The following SAMD12 variants were observed in gnomAD, a reference collection of about 807,000 sequenced individuals.
The protein encoded by SAMD12 is sterile alpha motif domain containing 12.
In SAMD12, 9 loss-of-function variants were observed where a neutral mutation model predicts 15.0. The ratio of observed to expected loss-of-function variants is 0.60; its 90% CI spans 0.36 to 1.05. The LOEUF (loss-of-function observed/expected upper bound fraction) is 1.05, where lower values mean the gene tolerates loss of function less well. Ranked by LOEUF, SAMD12 falls within the 50% of genes least tolerant of loss-of-function variation. The pLI, the probability that SAMD12 is intolerant of heterozygous loss-of-function variation, is 0.01. For synonymous variants in SAMD12, 86 were observed against 90.1 expected, an observed-to-expected ratio of 0.96 and a Z score of 0.25; for missense variants, 230 against 234.2, an observed-to-expected ratio of 0.98 and a Z score of 0.12.
intron 4 of SAMD12, among the ~76,000 whole-genome samples, chr8:118,332,020 C>T (rs1401385122): frequency 6.6e-6 from 1 of 152,068 alleles, no homozygotes; most frequent in African/African-American, 2.4e-5. Context: ...CCACACCTTC[C>T]AAATCCCCTA....
chr8:118,588,062 T>A (rs2514588), intron 1 of SAMD12, among the ~76,000 whole-genome samples: 98,580 of 152,014 alleles, frequency 0.65, 33,030 homozygotes, highest in Middle Eastern at 0.74. Context: ...ATCAGTAAAC[T>A]CTGACATCAG....
At chr8:118,387,922 C>CTA (rs1820051927) in intron 3 of SAMD12, among the ~76,000 whole-genome samples, 1 of 152,238 alleles carries the variant, frequency 6.6e-6, no homozygotes, top group Non-Finnish European at 1.5e-5. Context: ...CTGAAAGTAG[C>CTA]CATCAAACAG....
chr8:118,211,943 T>A (rs1212103572), intron 4 of SAMD12, among the ~76,000 whole-genome samples: 1 of 152,194 alleles, frequency 6.6e-6, no homozygotes, highest in Non-Finnish European at 1.5e-5. Flanking sequence ...ATAAGGAAGA[T>A]AACAAATTCT....
chr8:118,191,811 TAGAGAGAGAGAGAGAG>T (rs1187043376), exon 5 of SAMD12: 1 of 8,138 alleles, frequency 1.2e-4, no homozygotes, highest in African/African-American at 2.7e-4. Context: ...TATATATATA[TAGAGAGAGAGAGAGAG>T]AGAGAGAGAG....
rs16891107 is a variant in SAMD12, at chr8:118,493,022, A to C, written c.193-53061T>G. Among the ~76,000 whole-genome samples, 559 of 152,308 alleles carry C rather than the reference A, an allele frequency of 3.7e-3. 3 individuals are homozygous for C. Among genetic ancestry groups the C allele is most frequent in the African/African-American group, 0.013 (537 of 41,550 alleles). On this transcript the variant is annotated intron_variant, in intron 2 of 3. Coordinates refer to ENST00000314727, the MANE Select transcript of SAMD12 (RefSeq NM_207506.3). ...GTATTAGCCTACAACAGAGAAAAGA[A>C]AAATATGAAACAGAGGACATGAATA...
intron 4 of SAMD12, among the ~76,000 whole-genome samples, chr8:118,260,123 G>A (rs1448332732): frequency 6.6e-6 from 1 of 152,042 alleles, no homozygotes; most frequent in Non-Finnish European, 1.5e-5. Context: ...TGGTGGTTCT[G>A]GGTAATATTC....
chr8:118,354,171 T>G (rs1341938068), intron 4 of SAMD12, among the ~76,000 whole-genome samples: 1 of 152,200 alleles, frequency 6.6e-6, no homozygotes, highest in Non-Finnish European at 1.5e-5. Context: ...ACAAACAACT[T>G]GTACATTGCA....
intron 3 of SAMD12, among the ~76,000 whole-genome samples, chr8:118,419,517 C>T (rs1821893144): frequency 6.6e-6 from 1 of 152,170 alleles, no homozygotes; most frequent in African/African-American, 2.4e-5. Flanking sequence ...TGTTTAGAGA[C>T]ACTAAGTGGC....
chr8:118,333,804 C>T (rs561172632), intron 4 of SAMD12, among the ~76,000 whole-genome samples: 2 of 152,116 alleles, frequency 1.3e-5, no homozygotes, highest in East Asian at 1.9e-4. Flanking sequence ...GATCAAATAG[C>T]CCAGGCACCA....
At chr8:118,596,429 T>A (rs557087984) in intron 1 of SAMD12, among the ~76,000 whole-genome samples, 1 of 152,324 alleles carries the variant, frequency 6.6e-6, no homozygotes, top group South Asian at 2.1e-4. Context: ...TGTGTACTGG[T>A]AAGCACTCCA....
At chr8:118,247,128 A>T (rs939273966) in intron 4 of SAMD12, among the ~76,000 whole-genome samples, 2 of 152,132 alleles carry the variant, frequency 1.3e-5, no homozygotes, top group African/African-American at 2.4e-5. Context: ...GACCTAGAGG[A>T]CATATGCTAG....
intron 2 of SAMD12, among the ~76,000 whole-genome samples, chr8:118,469,736 T>C (rs1242862942): frequency 2.0e-5 from 3 of 148,134 alleles, no homozygotes. Flanking sequence ...CTATTTTTTG[T>C]ATTTTTAGTA....
chr8:118,226,055 T>C (rs1255257424), intron 4 of SAMD12, among the ~76,000 whole-genome samples: 2 of 152,154 alleles, frequency 1.3e-5, no homozygotes, highest in African/African-American at 2.4e-5. Context: ...TCAGGCACAT[T>C]GAGCGCTTAC....
chr8:118,518,493 T>G lies in SAMD12; in HGVS notation c.192+62222A>C, dbSNP rs533350787. On this transcript the variant is annotated intron_variant, in intron 2 of 3. Coordinates refer to ENST00000314727, the MANE Select transcript of SAMD12 (RefSeq NM_207506.3). ...CTTCCAGTATTTCCCTGTACCCCAATGCCAAAAAGTTATAAAATTACAGAG... is the reference window on the plus strand; with the variant it reads ...CTTCCAGTATTTCCCTGTACCCCAAGGCCAAAAAGTTATAAAATTACAGAG... Among the ~76,000 whole-genome samples the G allele has an allele frequency of 2.0e-5, 3 of 152,354 alleles. No individual in the cohort carries two copies. The East Asian group carries it at 5.8e-4, about 29-fold the overall frequency.
intron 2 of SAMD12, among the ~76,000 whole-genome samples, chr8:118,563,708 C>T (rs1324225898): frequency 6.6e-6 from 1 of 152,212 alleles, no homozygotes; most frequent in Non-Finnish European, 1.5e-5. Flanking sequence ...TTCCGGCAGG[C>T]TACTGCAAGT....
chr8:118,370,899 T>C (rs1336518962), intron 4 of SAMD12, among the ~76,000 whole-genome samples: 5 of 152,102 alleles, frequency 3.3e-5, no homozygotes, highest in Admixed American at 2.6e-4. Context: ...CGTTTACCTA[T>C]GTAACAAACC....
chr8:118,237,382 C>T (rs1441899303), intron 4 of SAMD12, among the ~76,000 whole-genome samples: 1 of 152,172 alleles, frequency 6.6e-6, no homozygotes, highest in Non-Finnish European at 1.5e-5. Context: ...ATAACTATGA[C>T]TACTGCAACT....
intron 4 of SAMD12, among the ~76,000 whole-genome samples, chr8:118,308,218 G>A (rs1815444555): frequency 6.6e-6 from 1 of 152,070 alleles, no homozygotes; most frequent in African/African-American, 2.4e-5. Flanking sequence ...TTCTTGCTGG[G>A]AACCTGATAC....
chr8:118,480,879 C>A (rs1441596067), intron 2 of SAMD12, among the ~76,000 whole-genome samples: 2 of 152,182 alleles, frequency 1.3e-5, no homozygotes, highest in African/African-American at 2.4e-5. Context: ...TCTGCCCAGG[C>A]CTTTCTCAAC....
Sources: gnomAD v4.1 joint callset for allele counts (sites outside exome capture counted in the v4.1 genomes callset) on GRCh38, gnomAD v4.1.1 for gene constraint, MANE v1.5 for transcripts, NCBI Gene and HGNC (gene_info 2026-07-23, HGNC 2026-07-21) for gene names.